The following ROCK2 variants were observed in gnomAD, a reference collection of about 807,000 sequenced individuals.
The protein encoded by ROCK2 is Rho associated coiled-coil containing protein kinase 2, also known as rho-associated protein kinase 2.
ROCK2 carries 61 observed loss-of-function variants against 195.1 expected under a neutral mutation model. That is an observed-to-expected ratio of 0.31 (90% CI 0.25 to 0.39). The LOEUF (loss-of-function observed/expected upper bound fraction) is 0.39. Among genes scored for constraint, ROCK2 ranks in the 10% least tolerant of loss-of-function variants. The pLI is 1.00. For synonymous variants in ROCK2, 504 were observed against 545.5 expected, an observed-to-expected ratio of 0.92 and a Z score of 1.06; for missense variants, 1,109 against 1,637.4, an observed-to-expected ratio of 0.68 and a Z score of 5.57.
chr2:11,192,207 C>A lies in ROCK2; in HGVS notation c.4104G>T (p.Lys1368Asn). 6.2e-7 allele frequency: 1 copy of A among 1,612,646 alleles called. No individual in the cohort carries two copies. Among genetic ancestry groups the A allele is most frequent in the Middle Eastern group, 1.7e-4 (1 of 6,056 alleles). Residue 1368 changes from lysine to asparagine, a missense_variant, in exon 32 of 33, where the codon AAG (lysine) becomes AAT (asparagine). Transcript: ENST00000315872. The surrounding 1 kb of genome is among the most constrained non-coding windows in gnomAD (Gnocchi z 5.0). ...GTCTAATAGACTGGTTTTGCTGTAT[C>A]TTCATTGAAGTTCTAGGAGATGATC... Reference protein sequence around the residue: ...FARSSPRTSMKIQQNQSIRRP... With the variant: ...FARSSPRTSMNIQQNQSIRRP...
intron 3 of ROCK2, among the ~76,000 whole-genome samples, chr2:11,257,213 G>A (rs1416266646): frequency 1.3e-5 from 2 of 151,556 alleles, no homozygotes; most frequent in East Asian, 1.9e-4. Context: ...GCCTCATGGC[G>A]GAGGAAGACA....
Position 11,225,843 on chromosome 2 carries a change from G to T in ROCK2, c.869-1383C>A, listed in dbSNP as rs142757059. ...GCGTACAAACAGACTCACTTTGAAAGGCCCAAAATAAAGTAGGTCATACTA... is the reference window on the plus strand; with the variant it reads ...GCGTACAAACAGACTCACTTTGAAATGCCCAAAATAAAGTAGGTCATACTA... On this transcript the variant is annotated intron_variant, in intron 6 of 32. Coordinates refer to ENST00000315872, the MANE Select transcript of ROCK2 (RefSeq NM_004850.5). Among the ~76,000 whole-genome samples the T allele has an allele frequency of 3.5e-3, 529 of 152,190 alleles. 4 individuals carry two copies. The highest frequency in any genetic ancestry group is 3.2e-3 in the Non-Finnish European group (221 of 68,004).
At chr2:11,294,906 GCCT>G (rs1667464745) in intron 1 of ROCK2, among the ~76,000 whole-genome samples, 1 of 151,852 alleles carries the variant, frequency 6.6e-6, no homozygotes, top group African/African-American at 2.4e-5. Context: ...TTGTGTCTCA[GCCT>G]CCAGAGGAGC....
chr2:11,340,232 A>G (rs1415400362), intron 1 of ROCK2, among the ~76,000 whole-genome samples: 3 of 152,212 alleles, frequency 2.0e-5, no homozygotes, highest in Non-Finnish European at 4.4e-5. Context: ...CAACACCCTG[A>G]AATCAAATAC....
chr2:11,298,361 T>C (rs1165088360), intron 1 of ROCK2, among the ~76,000 whole-genome samples: 2 of 151,126 alleles, frequency 1.3e-5, no homozygotes, highest in African/African-American at 4.9e-5. Flanking sequence ...TCCCAGCTAC[T>C]TGGGAGGCTG....
intron 3 of ROCK2, among the ~76,000 whole-genome samples, chr2:11,265,502 A>G (rs2148154241): frequency 6.6e-6 from 1 of 152,356 alleles, no homozygotes. Flanking sequence ...GAAAATATAA[A>G]TACCCACTGA....
chr2:11,197,080 A>C lies in ROCK2; in HGVS notation c.3448+100T>G. 1 of 721,160 alleles carries C rather than the reference A, an allele frequency of 1.4e-6. No individual in the cohort carries two copies. The highest frequency in any genetic ancestry group is 2.1e-6 in the Non-Finnish European group (1 of 478,988). The allele number at this position is 721,160 out of a possible 1,614,324, so 44.7% of individuals were successfully genotyped here. ...AAGGAGTAGGTTTTCCCTTAAAGAA[A>C]TTACAAACATTTTTCCTTCAGAGCA... On this transcript the variant is annotated intron_variant, in intron 27 of 32. Coordinates refer to ENST00000315872, the MANE Select transcript of ROCK2 (RefSeq NM_004850.5). The surrounding 1 kb of genome is among the most constrained non-coding windows in gnomAD (Gnocchi z 4.9).
At chr2:11,293,990 T>C (rs1667436032) in intron 1 of ROCK2, among the ~76,000 whole-genome samples, 1 of 152,104 alleles carries the variant, frequency 6.6e-6, no homozygotes, top group Non-Finnish European at 1.5e-5. Flanking sequence ...AACTTGTCTC[T>C]ACTAAAAATA....
intron 3 of ROCK2, among the ~76,000 whole-genome samples, chr2:11,262,424 C>A (rs1666259190): frequency 6.6e-6 from 1 of 152,120 alleles, no homozygotes; most frequent in Admixed American, 6.5e-5. Flanking sequence ...CAGAGACATA[C>A]ATGGTGATAT....
chr2:11,187,768 T>G (rs1663251846), intron 32 of ROCK2, among the ~76,000 whole-genome samples: 1 of 152,226 alleles, frequency 6.6e-6, no homozygotes, highest in Non-Finnish European at 1.5e-5. Context: ...ATTTGGAAGT[T>G]CTTCCCCAAT....
intron 1 of ROCK2, chr2:11,308,907 A>T (rs1667947249): frequency 5.6e-6 from 9 of 1,612,022 alleles, no homozygotes; most frequent in Non-Finnish European, 7.6e-6. Context: ...AAACCACTTT[A>T]TCTTCATCTA....
chr2:11,257,345 G>A (rs893285842), intron 3 of ROCK2, among the ~76,000 whole-genome samples: 30 of 151,466 alleles, frequency 2.0e-4, no homozygotes, highest in Admixed American at 1.5e-3. Flanking sequence ...CAGTGGCGGC[G>A]TCACGATCAG....
At chr2:11,300,386 C>T (rs1353094152) in intron 1 of ROCK2, among the ~76,000 whole-genome samples, 2 of 152,150 alleles carry the variant, frequency 1.3e-5, no homozygotes, top group African/African-American at 4.8e-5. Context: ...GCCTCAGCCT[C>T]CCAACTAGCT....
intron 1 of ROCK2, among the ~76,000 whole-genome samples, chr2:11,305,954 G>A (rs1339411923): frequency 6.6e-6 from 1 of 152,178 alleles, no homozygotes; most frequent in African/African-American, 2.4e-5. Context: ...CAGTATGAAA[G>A]GGCTCCCAGT....
In ROCK2 at chr2:11,180,662, AT is replaced by A. The variant is rs1458278568; in HGVS notation, c.*2774del. On this transcript the variant is annotated 3_prime_UTR_variant, in exon 33 of 33. Transcript: ENST00000315872. Reference sequence around the variant, plus strand: ...GATTTCTTAGTTCCCCATAGGAGGTATTTATGGTTCTAGGAGAAATCAGGTG... The same window carrying A: ...GATTTCTTAGTTCCCCATAGGAGGTATTATGGTTCTAGGAGAAATCAGGTG... 6.6e-6 allele frequency: 1 copy of A among 152,216 alleles called. No individual in the cohort carries two copies. The highest frequency in any genetic ancestry group is 2.4e-5 in the African/African-American group (1 of 41,468). The allele number at this position is 152,216 out of a possible 1,614,324, so 9.4% of individuals were successfully genotyped here.
intron 4 of ROCK2, among the ~76,000 whole-genome samples, chr2:11,241,017 GA>G (rs762830380): frequency 1.3e-4 from 20 of 152,008 alleles, no homozygotes; most frequent in Non-Finnish European, 2.4e-4. Context: ...AGTTAATCCA[GA>G]AATAATAATG....
At chr2:11,191,644 C>T (rs1204866995) in intron 32 of ROCK2, among the ~76,000 whole-genome samples, 1 of 152,116 alleles carries the variant, frequency 6.6e-6, no homozygotes, top group Non-Finnish European at 1.5e-5. Context: ...TTAAATTACT[C>T]AAGTGCTTAT....
intron 3 of ROCK2, among the ~76,000 whole-genome samples, chr2:11,271,555 G>A (rs894555018): frequency 2.6e-5 from 4 of 152,312 alleles, no homozygotes; most frequent in African/African-American, 9.6e-5. Flanking sequence ...CGGAAGCACT[G>A]TTGGTTTTTC....
intron 5 of ROCK2, among the ~76,000 whole-genome samples, chr2:11,233,317 T>G (rs568609028): frequency 6.6e-6 from 1 of 152,316 alleles, no homozygotes; most frequent in Admixed American, 6.5e-5. Flanking sequence ...AAGATACTAC[T>G]GTATATCAAC....
Sources: gnomAD v4.1 joint callset for allele counts (sites outside exome capture counted in the v4.1 genomes callset) on GRCh38, gnomAD v4.1.1 for gene constraint, Gnocchi (gnomAD v3.1) non-coding constraint, MANE v1.5 for transcripts, NCBI Gene and HGNC (gene_info 2026-07-23, HGNC 2026-07-21) for gene names.